Variants in NFASC observed in about 807,000 individuals in gnomAD.
The protein encoded by NFASC is neurofascin homolog.
A neutral mutation model predicts 147.5 loss-of-function variants in NFASC; 43 were observed. The observed-to-expected ratio is 0.29, with a 90% CI of 0.23 to 0.38. The LOEUF (loss-of-function observed/expected upper bound fraction) is 0.38. Among genes scored for constraint, NFASC ranks in the 10% least tolerant of loss-of-function variants. The pLI is 1.00. For synonymous variants in NFASC, 622 were observed against 665.5 expected, an observed-to-expected ratio of 0.93 and a Z score of 1.01; for missense variants, 1,320 against 1,689.0, an observed-to-expected ratio of 0.78 and a Z score of 3.83.
intron 1 of NFASC, among the ~76,000 whole-genome samples, chr1:204,842,327 T>G (rs577680513): frequency 1.6e-4 from 25 of 152,386 alleles, no homozygotes; most frequent in African/African-American, 5.5e-4. Flanking sequence ...AGAACTTTCT[T>G]AAGCTTTGCT....
chr1:204,854,032 C>T (rs1009782495), intron 1 of NFASC, among the ~76,000 whole-genome samples: 1 of 152,260 alleles, frequency 6.6e-6, no homozygotes, highest in East Asian at 1.9e-4. Context: ...TAGCCATTAG[C>T]ATAATCTCAT....
chr1:204,895,671 A>G (rs2083256566), intron 1 of NFASC, among the ~76,000 whole-genome samples: 1 of 152,184 alleles, frequency 6.6e-6, no homozygotes, highest in South Asian at 2.1e-4. Context: ...TATTCATTTC[A>G]CTTTTAGATG....
At chr1:204,962,279 G>C in intron 8 of NFASC, 2 of 828,340 alleles carry the variant, frequency 2.4e-6, no homozygotes, top group Non-Finnish European at 4.0e-6. Context: ...AGGGTGCCAA[G>C]GTGACACCTC....
At chr1:204,965,179 C>T (rs757473438) in intron 8 of NFASC, among the ~76,000 whole-genome samples, 23 of 152,102 alleles carry the variant, frequency 1.5e-4, no homozygotes, top group Non-Finnish European at 2.5e-4. Flanking sequence ...AAGATCAGGG[C>T]GAATAACCAA....
Position 204,979,266 on chromosome 1 carries a change from T to C in NFASC, c.1979-96T>C. On this transcript the variant is annotated intron_variant, in intron 18 of 29. Transcript: ENST00000339876. The surrounding 1 kb of genome is among the most constrained non-coding windows in gnomAD (Gnocchi z 6.0). ...TCCTTGTGCCTTTGTGTGAGAGAGA[T>C]TATAAAGATCAATGGAAGCCAAGAA... The C allele has an allele frequency of 8.9e-7, 1 of 1,121,728 alleles. No individual in the cohort carries two copies. The highest frequency in any genetic ancestry group is 1.4e-6 in the Non-Finnish European group (1 of 736,352). 69.5% of individuals were successfully genotyped at this position (1,121,728 alleles called of 1,614,324 possible).
intron 1 of NFASC, among the ~76,000 whole-genome samples, chr1:204,865,439 G>A (rs2077029938): frequency 6.6e-6 from 1 of 152,138 alleles, no homozygotes. Context: ...AAGGCAGGGG[G>A]GACTACTGTA....
chr1:204,962,895 G>C (rs2094755909), intron 8 of NFASC, among the ~76,000 whole-genome samples: 1 of 152,184 alleles, frequency 6.6e-6, no homozygotes, highest in African/African-American at 2.4e-5. Context: ...TGCTCAGTCT[G>C]ATTAATAGGG....
intron 27 of NFASC, among the ~76,000 whole-genome samples, chr1:205,006,137 G>A (rs1487544394): frequency 1.3e-5 from 2 of 152,178 alleles, no homozygotes; most frequent in African/African-American, 4.8e-5. Context: ...TCTAGCACAC[G>A]GGCAAGCCAG....
At chr1:204,906,743 C>G (rs570282571) in intron 1 of NFASC, among the ~76,000 whole-genome samples, 1 of 144,364 alleles carries the variant, frequency 6.9e-6, no homozygotes, top group Non-Finnish European at 1.5e-5. Context: ...AGTGCAGTGG[C>G]GCGATCTCGG....
intron 20 of NFASC, 94 bp downstream of exon 20, chr1:204,980,534 A>G: frequency 1.1e-6 from 1 of 947,838 alleles, no homozygotes; most frequent in Non-Finnish European, 1.7e-6. Flanking sequence ...CGAGGCCATG[A>G]TGTGGTTCAG....
chr1:204,986,395 G>A lies in NFASC; in HGVS notation c.2471-1023G>A, dbSNP rs557830239. 3.9e-5 allele frequency among the ~76,000 whole-genome samples: 6 copies of A among 152,320 alleles called. No homozygotes were observed. Among genetic ancestry groups the A allele is most frequent in the South Asian group, 2.1e-4 (1 of 4,826 alleles). ...GCAGACTGATCCCCGAGGGCACGGC[G>A]GGCACCTGGGCCACCCCACCACCTT... On this transcript the variant is annotated intron_variant, in intron 21 of 29. Transcript: ENST00000339876. The surrounding 1 kb of genome is among the most constrained non-coding windows in gnomAD (Gnocchi z 4.2).
chr1:204,865,305 C>G (rs891436860), intron 1 of NFASC, among the ~76,000 whole-genome samples: 2 of 152,152 alleles, frequency 1.3e-5, no homozygotes, highest in Non-Finnish European at 2.9e-5. Flanking sequence ...AAAACTTATA[C>G]TGTAATAAAA....
In NFASC at chr1:204,875,309, AG is replaced by A. The variant is rs568786114; in HGVS notation, c.-199-45320del. Among the ~76,000 whole-genome samples, 14 of 152,230 alleles carry A rather than the reference AG, an allele frequency of 9.2e-5. No individual in the cohort carries two copies. In the East Asian group the frequency reaches 2.7e-3, roughly 29 times the overall value. On this transcript the variant is annotated intron_variant, in intron 1 of 29. Coordinates refer to ENST00000339876, the MANE Select transcript of NFASC (RefSeq NM_001005388.3). ...CATAAAGAGGCCTGGGAGGCACTGA[AG>A]GGAAGATGGGAGACCCCAGCCTTCC...
intron 1 of NFASC, among the ~76,000 whole-genome samples, chr1:204,903,922 T>A (rs2085209875): frequency 6.6e-6 from 1 of 152,220 alleles, no homozygotes; most frequent in South Asian, 2.1e-4. Context: ...GGGTGTTTGT[T>A]GAAATTTTGC....
At chr1:204,891,738 G>C (rs1268658293) in intron 1 of NFASC, among the ~76,000 whole-genome samples, 1 of 152,172 alleles carries the variant, frequency 6.6e-6, no homozygotes, top group Non-Finnish European at 1.5e-5. Context: ...GGCTGGAGTA[G>C]GTTGGTCCAG....
At position 205,010,693 on chromosome 1, in the gene NFASC, G is replaced by T. The variant is rs2096238718; in HGVS notation, c.3421+1005G>T. 2 of 152,198 alleles carry T rather than the reference G, an allele frequency of 1.3e-5. No individual in the cohort carries two copies. The highest frequency in any genetic ancestry group is 2.1e-4 in the South Asian group (1 of 4,818). The allele number at this position is 152,198 out of a possible 1,614,324, so 9.4% of individuals were successfully genotyped here. ...GAGGCAGGCAGATCACTTGAGGTCA[G>T]GAGTTCGAGACCAGCCTGGCCAACA... is the stretch of plus-strand genomic sequence containing the variant. On this transcript the variant is annotated intron_variant, in intron 28 of 29. Transcript: ENST00000339876. This position sits in a 1 kb window ranked among gnomAD's most constrained non-coding sequence, Gnocchi z 4.1.
chr1:204,934,233 C>G (rs1241795227), intron 2 of NFASC, among the ~76,000 whole-genome samples: 1 of 151,190 alleles, frequency 6.6e-6, no homozygotes, highest in Non-Finnish European at 1.5e-5. Context: ...CTGGGGAGAG[C>G]AGCATTTCAT....
In NFASC at chr1:205,021,399, A is replaced by G. The variant is rs2096399725; in HGVS notation, c.*4860A>G. On this transcript the variant is annotated 3_prime_UTR_variant, in exon 30 of 30. Transcript: ENST00000339876. ...CTGCTGTTCCTCCTATCAGCACACT[A>G]GTATTAAATGGGTGTTCCATAATGA... is the stretch of plus-strand genomic sequence containing the variant. The G allele has an allele frequency of 2.6e-5, 4 of 152,698 alleles. No homozygotes were observed. The highest frequency in any genetic ancestry group is 2.6e-4 in the Admixed American group (4 of 15,292). The allele number at this position is 152,698 out of a possible 1,614,324, so 9.5% of individuals were successfully genotyped here.
intron 23 of NFASC, chr1:204,989,036 G>A (rs2095668027): frequency 1.7e-6 from 1 of 571,788 alleles, no homozygotes; most frequent in African/African-American, 1.9e-5. Context: ...GTCCCCACTT[G>A]CCCTGACTTG....
Sources: allele counts gnomAD v4.1 joint callset (sites outside exome capture counted in the v4.1 genomes callset), GRCh38; gene constraint gnomAD v4.1.1; non-coding constraint Gnocchi (gnomAD v3.1); transcripts MANE v1.5; gene names NCBI Gene and HGNC (gene_info 2026-07-23, HGNC 2026-07-21).